The following ANKIB1 variants were observed in gnomAD, a reference collection of about 807,000 sequenced individuals.
The protein encoded by ANKIB1 is ankyrin repeat and IBR domain containing 1, also known as ankyrin repeat and IBR domain-containing protein 1.
Under a neutral mutation model 122.1 loss-of-function variants are expected in ANKIB1, and 43 were observed. The observed-to-expected ratio is 0.35, with a 90% CI of 0.28 to 0.45. ANKIB1 has a LOEUF of 0.45. Ranked by LOEUF, ANKIB1 falls within the 20% of genes least tolerant of loss-of-function variation. The pLI, the probability that ANKIB1 is intolerant of heterozygous loss-of-function variation, is 1.00. For synonymous variants in ANKIB1, 390 were observed against 442.0 expected (o/e 0.88, Z 1.48); for missense variants, 992 against 1,329.5 (o/e 0.75, Z 3.95).
At chr7:92,389,840 A>G in intron 14 of ANKIB1, 131 bp from the exon 15 acceptor site, 1 of 881,778 alleles carries the variant, frequency 1.1e-6, no homozygotes, top group East Asian at 2.9e-5. Flanking sequence ...ATTTTCATAC[A>G]GTTACTTAAA....
intron 2 of ANKIB1, among the ~76,000 whole-genome samples, chr7:92,299,602 A>G (rs1802420894): frequency 6.6e-6 from 1 of 152,192 alleles, no homozygotes; most frequent in Non-Finnish European, 1.5e-5. Context: ...ATACATTACA[A>G]CAGATGGAAT....
chr7:92,280,663 C>T (rs1262427057), intron 1 of ANKIB1, among the ~76,000 whole-genome samples: 3 of 152,172 alleles, frequency 2.0e-5, no homozygotes, highest in Non-Finnish European at 4.4e-5. Context: ...ATGTATCCCC[C>T]AACCCCCAAC....
chr7:92,324,451 C>G (rs1284533468), intron 4 of ANKIB1, among the ~76,000 whole-genome samples: 1 of 152,200 alleles, frequency 6.6e-6, no homozygotes, highest in East Asian at 1.9e-4. Context: ...CCATGCTGGT[C>G]TTGAACTCGT....
intron 1 of ANKIB1, among the ~76,000 whole-genome samples, chr7:92,265,870 T>G (rs996440976): frequency 1.3e-5 from 2 of 152,192 alleles, no homozygotes; most frequent in Non-Finnish European, 2.9e-5. Context: ...TAGTACAAGA[T>G]GTCAAGTAGG....
At chr7:92,248,366 G>T (rs1048742458) in intron 1 of ANKIB1, among the ~76,000 whole-genome samples, 2 of 152,120 alleles carry the variant, frequency 1.3e-5, no homozygotes, top group African/African-American at 2.4e-5. Flanking sequence ...CCACTCTTTT[G>T]TACTCCTGTG....
rs137983408 is a variant in ANKIB1 at position 92,267,648 on chromosome 7, A to T, written c.-91+21129A>T. ...CATTATTGTTTTACCTTTCACATAT[A>T]CATCTGCAGTTCATCGGGAATTTGA... On this transcript the variant is annotated intron_variant, in intron 1 of 19. Transcript: ENST00000265742. 4.3e-4 allele frequency among the ~76,000 whole-genome samples: 65 copies of T among 152,290 alleles called. No individual in the cohort carries two copies. In the Middle Eastern group the frequency reaches 0.01, roughly 24 times the overall value.
At position 92,260,858 on chromosome 7, in the gene ANKIB1, T is replaced by C. The variant is rs558225114; in HGVS notation, c.-91+14339T>C. Among the ~76,000 whole-genome samples the C allele has an allele frequency of 2.6e-5, 4 of 152,302 alleles. No homozygotes were observed. The South Asian group carries it at 8.3e-4, about 32-fold the overall frequency. On this transcript the variant is annotated intron_variant, in intron 1 of 19. Transcript: ENST00000265742. ...GCCTACAATAATGCCTAGCACATGA[T>C]AGGTGGTTGATAAATAGTTGTTGCA... is the stretch of plus-strand genomic sequence containing the variant.
chr7:92,358,594 C>CT (rs56238133), intron 9 of ANKIB1, among the ~76,000 whole-genome samples: 140,868 of 141,542 alleles, frequency 1, 70,098 homozygotes, highest in African/African-American at 1. Flanking sequence ...CCCCATGATT[C>CT]TTTTTTTTTT....
At chr7:92,252,937 G>T (rs760244039) in intron 1 of ANKIB1, among the ~76,000 whole-genome samples, 9 of 151,500 alleles carry the variant, frequency 5.9e-5, no homozygotes, top group Non-Finnish European at 1.0e-4. Flanking sequence ...TGTGAAAGAT[G>T]GTATTTAAAA....
intron 2 of ANKIB1, among the ~76,000 whole-genome samples, chr7:92,296,584 A>T (rs1376866346): frequency 6.6e-6 from 1 of 152,098 alleles, no homozygotes; most frequent in Non-Finnish European, 1.5e-5. Context: ...TCTCTTTTTA[A>T]AAAACTTTTA....
intron 1 of ANKIB1, among the ~76,000 whole-genome samples, chr7:92,259,652 T>G (rs1157014769): frequency 6.6e-6 from 1 of 152,194 alleles, no homozygotes; most frequent in Admixed American, 6.5e-5. Context: ...ACCTCACATT[T>G]CAGCTTCAGA....
intron 5 of ANKIB1, among the ~76,000 whole-genome samples, chr7:92,335,767 ATAT>A (rs1803274771): frequency 6.6e-6 from 1 of 152,018 alleles, no homozygotes; most frequent in African/African-American, 2.4e-5. Context: ...ATTTAATGTA[ATAT>A]TGTTGTGGTT....
At chr7:92,293,405 G>A (rs1802290622) in intron 1 of ANKIB1, among the ~76,000 whole-genome samples, 1 of 152,138 alleles carries the variant, frequency 6.6e-6, no homozygotes, top group Non-Finnish European at 1.5e-5. Context: ...GCCCAAACTG[G>A]TTTCAAACTC....
At chr7:92,276,474 A>G (rs756410124) in intron 1 of ANKIB1, among the ~76,000 whole-genome samples, 2 of 152,214 alleles carry the variant, frequency 1.3e-5, no homozygotes, top group African/African-American at 4.8e-5. Flanking sequence ...CCAGATACCA[A>G]TCATGGGCCA....
At chr7:92,254,528 A>T (rs1249184598) in intron 1 of ANKIB1, among the ~76,000 whole-genome samples, 3 of 152,054 alleles carry the variant, frequency 2.0e-5, no homozygotes, top group Admixed American at 1.3e-4. Flanking sequence ...AATGAGTTTT[A>T]AAAAAAAGTT....
At chr7:92,261,092 G>C (rs555522706) in intron 1 of ANKIB1, among the ~76,000 whole-genome samples, 1 of 152,152 alleles carries the variant, frequency 6.6e-6, no homozygotes, top group Admixed American at 6.5e-5. Flanking sequence ...GCTCACGCCT[G>C]TAATCCCAGC....
At chr7:92,390,429 T>G (rs1261780787) in intron 15 of ANKIB1, among the ~76,000 whole-genome samples, 1 of 152,146 alleles carries the variant, frequency 6.6e-6, no homozygotes. Context: ...AATTAAGGAT[T>G]TTATCATGAA....
At chr7:92,326,139 A>G (rs182793292) in intron 4 of ANKIB1, 27 of 190,456 alleles carry the variant, frequency 1.4e-4, no homozygotes, top group African/African-American at 6.2e-4. Context: ...ATGTTCATGA[A>G]GGCAGTATGT....
rs371074368 is a variant in ANKIB1 at position 92,268,229 on chromosome 7, A to G, written c.-91+21710A>G. Among the ~76,000 whole-genome samples the G allele has an allele frequency of 3.2e-4, 48 of 152,308 alleles. 1 individual carries two copies. The highest frequency in any genetic ancestry group is 9.9e-4 in the African/African-American group (41 of 41,578). Reference sequence around the variant, plus strand: ...TTGAGTTAACTTTGTACCTGGAGTGAAGCCAGTTCTACTAAACTATGCTTT... The same window carrying G: ...TTGAGTTAACTTTGTACCTGGAGTGGAGCCAGTTCTACTAAACTATGCTTT... On this transcript the variant is annotated intron_variant, in intron 1 of 19. Transcript: ENST00000265742.
Sources: allele counts gnomAD v4.1 joint callset (sites outside exome capture counted in the v4.1 genomes callset), GRCh38; gene constraint gnomAD v4.1.1; transcripts MANE v1.5; gene names NCBI Gene and HGNC (gene_info 2026-07-23, HGNC 2026-07-21).